ZNF831: variants seen among roughly 807,000 people sequenced by gnomAD.
The protein encoded by ZNF831 is chromosome 20 open reading frame 174.
Under a neutral mutation model 95.8 loss-of-function variants are expected in ZNF831, and 59 were observed. The observed-to-expected ratio is 0.62, with a 90% CI of 0.50 to 0.77. ZNF831 has a LOEUF of 0.77. Among genes scored for constraint, ZNF831 ranks in the 30% least tolerant of loss-of-function variants. ZNF831 has a pLI of 0.00. For missense variants in ZNF831, 2,205 were observed against 2,164.0 expected, an observed-to-expected ratio of 1.02 and a Z score of -0.38; for synonymous variants, 961 against 925.5, an observed-to-expected ratio of 1.04 and a Z score of -0.70.
At chr20:59,129,516 A>C (rs1979282889) in intron 1 of ZNF831, among the ~76,000 whole-genome samples, 1 of 152,124 alleles carries the variant, frequency 6.6e-6, no homozygotes, top group Admixed American at 6.5e-5. Context: ...CTAGCTACTC[A>C]GGAGGCTGAG....
Position 59,192,414 on chromosome 20 carries a change from G to A in ZNF831, c.1395G>A (p.Arg465=), listed in dbSNP as rs201612727. Residue 465 remains arginine (R), a synonymous_variant, in exon 2 of 6, where the codon AGG becomes AGA. Coordinates refer to ENST00000371030, the MANE Select transcript of ZNF831 (RefSeq NM_178457.3). The surrounding 1 kb of genome is among the most constrained non-coding windows in gnomAD (Gnocchi z 5.2). The part of the protein sequence containing the change: ...DIRALEPGRR[R]APGPVRSTWT... ...GCGCGCTGGAGCCAGGCCGTAGGAG[G>A]GCCCCGGGCCCCGTGCGCTCCACCT... 7.3e-5 allele frequency: 118 copies of A among 1,610,918 alleles called. No individual in the cohort carries two copies. The highest frequency in any genetic ancestry group is 9.3e-5 in the Non-Finnish European group (110 of 1,179,064).
Position 59,192,298 on chromosome 20 carries a change from G to A in ZNF831, c.1279G>A (p.Val427Met), listed in dbSNP as rs752346900. ...GGTGGACGATGCCCAGCTGGACAAC[G>A]TGCGGCCCCGGAAGACCGGGCTGTC... ...AVVDDAQLDN[V>M]RPRKTGLSKQ... The change falls in exon 2 of 6, where the codon GTG becomes ATG. Residue 427 changes from valine (V) to methionine (M), a missense_variant. Val to Met is a conservative substitution (Grantham distance 21). Coordinates refer to ENST00000371030, the MANE Select transcript of ZNF831 (RefSeq NM_178457.3). The surrounding 1 kb of genome is among the most constrained non-coding windows in gnomAD (Gnocchi z 5.2). The A allele has an allele frequency of 3.1e-6, 5 of 1,590,352 alleles. No individual in the cohort carries two copies. Among genetic ancestry groups the A allele is most frequent in the South Asian group, 1.1e-5 (1 of 87,772 alleles).
At position 59,193,210 on chromosome 20, in the gene ZNF831, T is replaced by C. The variant is rs762874771; in HGVS notation, c.2191T>C (p.Ser731Pro). 1 of 1,586,702 alleles carries C rather than the reference T, an allele frequency of 6.3e-7. No homozygotes were observed. The highest frequency in any genetic ancestry group is 8.6e-7 in the Non-Finnish European group (1 of 1,166,282). Reference protein sequence around the residue: ...DRPRVEEAVSSPALGGRDSPC... With the variant: ...DRPRVEEAVSPPALGGRDSPC... ...ACCCAGGGTGGAAGAGGCTGTGTCA[T>C]CCCCTGCACTGGGTGGCAGAGACAG... The change falls in exon 2 of 6, where the codon TCC becomes CCC. Residue 731 changes from serine (S) to proline (P), a missense_variant. By Grantham distance (74) the Ser-to-Pro change is moderately conservative. Coordinates refer to ENST00000371030, the MANE Select transcript of ZNF831 (RefSeq NM_178457.3).
At chr20:59,189,118 T>C (rs1392187915) in intron 1 of ZNF831, among the ~76,000 whole-genome samples, 1 of 151,856 alleles carries the variant, frequency 6.6e-6, no homozygotes, top group Non-Finnish European at 1.5e-5. Context: ...GAGGCAGAGG[T>C]TGCAGTGAGC....
At chr20:59,249,615 AG>A (rs1310388142) in intron 4 of ZNF831, among the ~76,000 whole-genome samples, 2 of 152,162 alleles carry the variant, frequency 1.3e-5, no homozygotes, top group East Asian at 3.9e-4. Context: ...CTGTGCCATT[AG>A]ATTACCTGAG....
chr20:59,224,852 G>T (rs1017545549), intron 4 of ZNF831, among the ~76,000 whole-genome samples: 1 of 152,154 alleles, frequency 6.6e-6, no homozygotes, highest in African/African-American at 2.4e-5. Context: ...ATTTTTAAAA[G>T]TCCCTGCATG....
chr20:59,233,531 T>C (rs1429085777), intron 4 of ZNF831, among the ~76,000 whole-genome samples: 1 of 152,140 alleles, frequency 6.6e-6, no homozygotes, highest in East Asian at 1.9e-4. Context: ...CTCAGTCTTA[T>C]CAGGAAACAG....
At chr20:59,138,974 C>T (rs1248561754) in intron 1 of ZNF831, among the ~76,000 whole-genome samples, 1 of 152,038 alleles carries the variant, frequency 6.6e-6, no homozygotes, top group Non-Finnish European at 1.5e-5. Context: ...CCTCTCCGTC[C>T]ATTTCCCCAG....
intron 1 of ZNF831, among the ~76,000 whole-genome samples, chr20:59,124,895 C>T (rs1332151143): frequency 6.6e-6 from 1 of 152,218 alleles, no homozygotes; most frequent in African/African-American, 2.4e-5. Context: ...ATGAGGATCC[C>T]ATCCCCGTGC....
In ZNF831 at chr20:59,193,663, T is replaced by C. The variant is rs774951672; in HGVS notation, c.2644T>C (p.Ser882Pro). Residue 882 changes from serine to proline, a missense_variant, in exon 2 of 6, where the codon TCC (serine) becomes CCC (proline). Coordinates refer to ENST00000371030, the MANE Select transcript of ZNF831 (RefSeq NM_178457.3). ...SARQVGEPLE[S>P]SGASLAAASV... The stretch of plus-strand genomic sequence containing the variant: ...CAGGCAGGTGGGCGAGCCTCTGGAG[T>C]CCTCTGGAGCCTCCTTGGCTGCTGC... 1.2e-6 allele frequency: 2 copies of C among 1,612,626 alleles called. No individual in the cohort carries two copies. Among genetic ancestry groups the C allele is most frequent in the Non-Finnish European group, 1.7e-6 (2 of 1,179,690 alleles).
chr20:59,258,832 C>T lies in ZNF831; in HGVS notation c.*4089C>T, dbSNP rs151133861. 4 of 152,142 alleles carry T rather than the reference C, an allele frequency of 2.6e-5. No individual in the cohort carries two copies. The highest frequency in any genetic ancestry group is 5.9e-5 in the Non-Finnish European group (4 of 68,026). 9.4% of individuals were successfully genotyped at this position (152,142 alleles called of 1,614,324 possible). On this transcript the variant is annotated 3_prime_UTR_variant, in exon 6 of 6. Transcript: ENST00000371030. ...TCTTTTCATCCATGCTTTGCACTTACGTAGGAATATACATAATTTGGTCTG... is the reference window on the plus strand; with the variant it reads ...TCTTTTCATCCATGCTTTGCACTTATGTAGGAATATACATAATTTGGTCTG...
chr20:59,161,852 G>A (rs1027665165), upstream of ZNF831, among the ~76,000 whole-genome samples: 1 of 152,048 alleles, frequency 6.6e-6, no homozygotes, highest in Non-Finnish European at 1.5e-5. Flanking sequence ...TTTTCCACAG[G>A]GGTTGAACTA....
intron 3 of ZNF831, among the ~76,000 whole-genome samples, chr20:59,197,995 G>A (rs1254591167): frequency 6.6e-6 from 1 of 152,158 alleles, no homozygotes; most frequent in Non-Finnish European, 1.5e-5. Context: ...GGAAAGATGT[G>A]GGGAGAGGGA....
chr20:59,233,502 A>AAC (rs1052661671), intron 4 of ZNF831, among the ~76,000 whole-genome samples: 1 of 152,130 alleles, frequency 6.6e-6, no homozygotes, highest in Non-Finnish European at 1.5e-5. Context: ...CAGACCAACA[A>AAC]ACACACACAA....
intron 1 of ZNF831, among the ~76,000 whole-genome samples, chr20:59,143,352 C>A (rs1979739796): frequency 6.6e-6 from 1 of 152,210 alleles, no homozygotes; most frequent in Non-Finnish European, 1.5e-5. Context: ...TGCTGATACC[C>A]AGAGGTAGCT....
Position 59,158,011 on chromosome 20 carries a change from A to G in ZNF831, c.-1280-1641A>G, listed in dbSNP as rs77665795. 4.5e-3 allele frequency among the ~76,000 whole-genome samples: 683 copies of G among 152,326 alleles called. 10 individuals are homozygous for G. Among genetic ancestry groups the G allele is most frequent in the African/African-American group, 0.016 (653 of 41,580 alleles). On this transcript the variant is annotated intron_variant, in intron 2 of 7. Coordinates refer to the ZNF831 transcript ENST00000637017. ...AAAAACAGTGGGTGACACCAAAGAA[A>G]TCACTTCAGGTGCTGGAAATGATTT...
At chr20:59,129,044 A>G (rs1051462442) in intron 1 of ZNF831, among the ~76,000 whole-genome samples, 8 of 152,164 alleles carry the variant, frequency 5.3e-5, no homozygotes, top group Non-Finnish European at 7.3e-5. Flanking sequence ...GATTATAGGC[A>G]TGAGCCACCG....
intron 1 of ZNF831, among the ~76,000 whole-genome samples, chr20:59,137,670 A>G (rs968459285): frequency 1.3e-5 from 2 of 152,240 alleles, no homozygotes; most frequent in Non-Finnish European, 2.9e-5. Flanking sequence ...TATCATGAAC[A>G]TGGCCACATC....
At chr20:59,245,955 G>T (rs1987574836) in intron 4 of ZNF831, among the ~76,000 whole-genome samples, 1 of 152,112 alleles carries the variant, frequency 6.6e-6, no homozygotes, top group Admixed American at 6.5e-5. Flanking sequence ...ACACATAAAA[G>T]ATACAATTTC....
Sources: gnomAD v4.1 joint callset for allele counts (sites outside exome capture counted in the v4.1 genomes callset) on GRCh38, gnomAD v4.1.1 for gene constraint, Gnocchi (gnomAD v3.1) non-coding constraint, MANE v1.5 for transcripts, NCBI Gene and HGNC (gene_info 2026-07-23, HGNC 2026-07-21) for gene names.